SEPTIN10: variants seen among roughly 807,000 people sequenced by gnomAD.
The protein encoded by SEPTIN10 is septin-10.
In SEPTIN10, 66 loss-of-function variants were observed where a neutral mutation model predicts 54.8. That is an observed-to-expected ratio of 1.21 (90% confidence interval 0.99 to 1.48). SEPTIN10 has a LOEUF of 1.48. Ranked by LOEUF, SEPTIN10 falls within the 40% of genes most tolerant of loss-of-function variation. SEPTIN10 has a pLI of 0.00. For synonymous variants in SEPTIN10, 161 were observed against 181.0 expected (o/e 0.89, Z 0.89); for missense variants, 620 against 545.6 (o/e 1.14, Z -1.36).
At chr2:109,577,316 G>A (rs1689912732) in intron 4 of SEPTIN10, among the ~76,000 whole-genome samples, 1 of 152,154 alleles carries the variant, frequency 6.6e-6, no homozygotes, top group Non-Finnish European at 1.5e-5. Context: ...AGAGAACTCG[G>A]CCGGGCATGG....
At chr2:109,557,855 T>C (rs1308325786) in intron 8 of SEPTIN10, among the ~76,000 whole-genome samples, 4 of 151,554 alleles carry the variant, frequency 2.6e-5, no homozygotes, top group Non-Finnish European at 5.9e-5. Context: ...AATTTTCTTT[T>C]TTTTTTTTTT....
intron 8 of SEPTIN10, among the ~76,000 whole-genome samples, chr2:109,558,579 G>C (rs1341563895): frequency 6.6e-6 from 1 of 152,166 alleles, no homozygotes; most frequent in East Asian, 1.9e-4. Context: ...GTTAAGATCA[G>C]TTAATTAAAC....
chr2:109,596,764 T>C (rs1367080895), intron 1 of SEPTIN10, among the ~76,000 whole-genome samples: 1 of 152,224 alleles, frequency 6.6e-6, no homozygotes, highest in African/African-American at 2.4e-5. Flanking sequence ...TTCTGAACAT[T>C]GGCCAAAAAG....
chr2:109,551,666 A>G (rs147550331), intron 9 of SEPTIN10, among the ~76,000 whole-genome samples: 25 of 152,314 alleles, frequency 1.6e-4, no homozygotes, highest in African/African-American at 5.5e-4. Context: ...TAAAACATCA[A>G]AATTCGCATT....
intron 8 of SEPTIN10, among the ~76,000 whole-genome samples, chr2:109,559,456 C>G (rs1490091487): frequency 6.6e-6 from 1 of 152,192 alleles, no homozygotes; most frequent in Non-Finnish European, 1.5e-5. Context: ...AGTCCGTAGC[C>G]TGACCTAAGC....
chr2:109,603,757 A>G (rs7573851), intron 1 of SEPTIN10, among the ~76,000 whole-genome samples: 4 of 152,202 alleles, frequency 2.6e-5, no homozygotes, highest in African/African-American at 9.6e-5. Flanking sequence ...CAGAGACTTG[A>G]TGAAGAAACA....
At chr2:109,589,543 A>C (rs769714618) in intron 2 of SEPTIN10, among the ~76,000 whole-genome samples, 2 of 152,154 alleles carry the variant, frequency 1.3e-5, no homozygotes, top group African/African-American at 4.8e-5. Flanking sequence ...AAAATTAATA[A>C]AAATAAAAAT....
At chr2:109,551,953 C>A (rs1294957791) in intron 9 of SEPTIN10, among the ~76,000 whole-genome samples, 2 of 152,210 alleles carry the variant, frequency 1.3e-5, no homozygotes, top group African/African-American at 2.4e-5. Context: ...AATCCCCAGG[C>A]CGCGGACCAG....
chr2:109,555,486 A>G (rs139669579), intron 8 of SEPTIN10, among the ~76,000 whole-genome samples: 2 of 152,274 alleles, frequency 1.3e-5, no homozygotes, highest in African/African-American at 4.8e-5. Context: ...TTGCAGGCCA[A>G]AAGAATGAGG....
At chr2:109,582,741 C>T (rs963824381) in intron 4 of SEPTIN10, among the ~76,000 whole-genome samples, 1 of 152,128 alleles carries the variant, frequency 6.6e-6, no homozygotes, top group African/African-American at 2.4e-5. Flanking sequence ...AGCAAAAGAA[C>T]AAAGCCTGAG....
chr2:109,547,667 T>G (rs905078781), intron 9 of SEPTIN10, among the ~76,000 whole-genome samples: 6 of 152,170 alleles, frequency 3.9e-5, no homozygotes, highest in Non-Finnish European at 8.8e-5. Context: ...ATATGGATCA[T>G]AGAAGGCATA....
intron 1 of SEPTIN10, among the ~76,000 whole-genome samples, chr2:109,602,647 C>T (rs143997322): frequency 6.7e-6 from 1 of 149,656 alleles, no homozygotes; most frequent in Non-Finnish European, 1.5e-5. Context: ...TGCACTCCAG[C>T]CTGGGCAACA....
At chr2:109,603,642 T>C (rs893425680) in intron 1 of SEPTIN10, among the ~76,000 whole-genome samples, 1 of 152,110 alleles carries the variant, frequency 6.6e-6, no homozygotes, top group African/African-American at 2.4e-5. Context: ...ATTTAAATCT[T>C]AGTACAATTG....
rs1310186298 is a variant in SEPTIN10 at position 109,543,921 on chromosome 2, C to T, written c.*388G>A. On this transcript the variant is annotated 3_prime_UTR_variant, in exon 11 of 11. Transcript: ENST00000397712. ...AATTACATAATTCATGTTTCACATC[C>T]ACCTTATACATATAGCCTGAAAGTA... The T allele has an allele frequency of 1.5e-5, 7 of 475,408 alleles. No homozygotes were observed. Among genetic ancestry groups the T allele is most frequent in the Admixed American group, 3.9e-5 (1 of 25,512 alleles). The allele number at this position is 475,408 out of a possible 1,614,324, so 29.4% of individuals were successfully genotyped here. A position where few individuals can be genotyped will look rare whatever the true frequency, so the allele number is the denominator to read the frequency against.
chr2:109,552,600 T>C, intron 9 of SEPTIN10: 1 of 157,284 alleles, frequency 6.4e-6, no homozygotes, highest in East Asian at 1.9e-4. Context: ...GTGTTGCCAC[T>C]GTGGCTGTGA....
chr2:109,574,852 A>AT, intron 4 of SEPTIN10, 85 bp from the exon 5 acceptor site: 2 of 875,114 alleles, frequency 2.3e-6, no homozygotes, highest in Non-Finnish European at 3.3e-6. Context: ...TGAGGTCTAT[A>AT]TTTTCACTAA....
intron 7 of SEPTIN10, among the ~76,000 whole-genome samples, chr2:109,565,476 G>GT (rs1437798452): frequency 6.6e-6 from 1 of 152,194 alleles, no homozygotes; most frequent in African/African-American, 2.4e-5. Flanking sequence ...AATTAGTGAT[G>GT]TTTTATGTCT....
chr2:109,553,124 T>G lies in SEPTIN10; in HGVS notation c.1124A>C (p.Lys375Thr). Reference protein sequence around the residue: ...EMKQMFVQRVKEKEAILKEAE... With the variant: ...EMKQMFVQRVTEKEAILKEAE... ...TTCTTTCAATATGGCTTCTTTCTCC[T>G]TTACTCGCTGCACAAACATCTGTTT... The change falls in exon 9 of 11, where the codon AAG becomes ACG. Residue 375 changes from lysine (K) to threonine (T), a missense_variant. Lys to Thr is a moderately conservative substitution (Grantham distance 78). Coordinates refer to ENST00000397712, the MANE Select transcript of SEPTIN10 (RefSeq NM_144710.5). The G allele has an allele frequency of 6.2e-7, 1 of 1,613,706 alleles. No homozygotes were observed. Among genetic ancestry groups the G allele is most frequent in the Non-Finnish European group, 8.5e-7 (1 of 1,180,012 alleles).
chr2:109,562,396 A>G (rs931584597), intron 8 of SEPTIN10, among the ~76,000 whole-genome samples: 14 of 146,882 alleles, frequency 9.5e-5, no homozygotes, highest in Non-Finnish European at 1.5e-4. Flanking sequence ...TCTCTTCTTC[A>G]CATAGGGGTC....
Sources: gnomAD v4.1 joint callset for allele counts (sites outside exome capture counted in the v4.1 genomes callset) on GRCh38, gnomAD v4.1.1 for gene constraint, MANE v1.5 for transcripts, NCBI Gene and HGNC (gene_info 2026-07-23, HGNC 2026-07-21) for gene names.